MYO9A: variants seen among roughly 807,000 people sequenced by gnomAD.
MYO9A encodes the protein unconventional myosin-IXa.
MYO9A carries 103 observed loss-of-function variants against 293.3 expected under a neutral mutation model. That is an observed-to-expected ratio of 0.35 (90% CI 0.30 to 0.41). The LOEUF (loss-of-function observed/expected upper bound fraction) is 0.41, where lower values mean the gene tolerates loss of function less well. MYO9A is among the 10% of genes least tolerant of loss of function. The pLI is 1.00. For missense variants in MYO9A, 2,685 were observed against 3,033.0 expected (o/e 0.89, Z 2.69); for synonymous variants, 1,001 against 1,035.7 (o/e 0.97, Z 0.64).
chr15:71,852,074 G>T, intron 36 of MYO9A, 58 bp downstream of exon 36: 1 of 1,520,174 alleles, frequency 6.6e-7, no homozygotes, highest in Non-Finnish European at 8.9e-7. Flanking sequence ...CTATACTCAA[G>T]ATGGCATTTC....
At position 71,905,694 on chromosome 15, in the gene MYO9A, T is replaced by C. The variant is rs547709223; in HGVS notation, c.2686-688A>G. 3.1e-5 allele frequency among the ~76,000 whole-genome samples: 4 copies of C among 129,310 alleles called. No homozygotes were observed. The East Asian group carries it at 9.1e-4, about 29-fold the overall frequency. 84.8% of individuals were successfully genotyped at this position (129,310 alleles called of 152,430 possible). A position where few individuals can be genotyped will look rare whatever the true frequency, so the allele number is the denominator to read the frequency against. The stretch of plus-strand genomic sequence containing the variant: ...ATGAGAATTACTTAAACCTGGGAGG[T>C]GGAGGTTGCAGTAAGCCAAGATGGT... On this transcript the variant is annotated intron_variant, in intron 19 of 41. Transcript: ENST00000356056.
intron 9 of MYO9A, among the ~76,000 whole-genome samples, chr15:71,997,443 A>G (rs1443728745): frequency 6.6e-6 from 1 of 151,986 alleles, no homozygotes. Context: ...TACTAAAAAT[A>G]CCAAAAATTA....
intron 1 of MYO9A, among the ~76,000 whole-genome samples, chr15:72,111,591 A>T (rs1183440816): frequency 1.3e-5 from 2 of 151,866 alleles, no homozygotes; most frequent in African/African-American, 2.4e-5. Context: ...TTACATAAAA[A>T]TTTTTTTAAC....
chr15:72,012,918 T>A (rs2077216043), intron 6 of MYO9A, among the ~76,000 whole-genome samples: 1 of 152,224 alleles, frequency 6.6e-6, no homozygotes, highest in South Asian at 2.1e-4. Flanking sequence ...TAATCAAATG[T>A]TCTTAGAAAC....
intron 1 of MYO9A, among the ~76,000 whole-genome samples, chr15:72,099,035 C>T (rs1358743091): frequency 6.6e-6 from 1 of 152,084 alleles, no homozygotes; most frequent in African/African-American, 2.4e-5. Context: ...GTAGCTCACA[C>T]CTGTAATTCC....
At chr15:71,857,047 A>G (rs1197039724) in intron 34 of MYO9A, among the ~76,000 whole-genome samples, 2 of 152,216 alleles carry the variant, frequency 1.3e-5, no homozygotes, top group Non-Finnish European at 2.9e-5. Context: ...TGTTTTCCTA[A>G]TGCTGGGACA....
At chr15:72,101,299 G>GC (rs2080304849) in intron 1 of MYO9A, among the ~76,000 whole-genome samples, 1 of 136,004 alleles carries the variant, frequency 7.4e-6, no homozygotes, top group Non-Finnish European at 1.6e-5. Flanking sequence ...GGTGGGTTCA[G>GC]CCCCCCGCCA....
intron 9 of MYO9A, among the ~76,000 whole-genome samples, chr15:71,999,379 GAGA>G (rs1228054140): frequency 1.3e-5 from 2 of 151,924 alleles, no homozygotes; most frequent in East Asian, 3.9e-4. Flanking sequence ...GAAGAATATA[GAGA>G]AGAAGAAACA....
chr15:71,960,093 A>C lies in MYO9A; in HGVS notation c.1990T>G (p.Phe664Val), dbSNP rs1766263252. The C allele has an allele frequency of 2.5e-6, 4 of 1,613,494 alleles. No homozygotes were observed. Among genetic ancestry groups the C allele is most frequent in the Non-Finnish European group, 3.4e-6 (4 of 1,179,808 alleles). Residue 664 changes from phenylalanine to valine, a missense_variant, in exon 14 of 42, where the codon TTC becomes GTC. By Grantham distance (50) the Phe-to-Val change is conservative (BLOSUM62 -1). Transcript: ENST00000356056. ...AGKVKYGVKD[F>V]REKNTDHMRP... ...ATATGATCTGTATTTTTTTCCCGGA[A>C]ATCCTATATGAAAAAAGTACCAGTG...
intron 15 of MYO9A, among the ~76,000 whole-genome samples, chr15:71,943,942 A>G (rs2058845976): frequency 6.6e-6 from 1 of 152,100 alleles, no homozygotes; most frequent in African/African-American, 2.4e-5. Context: ...AAAACTGACA[A>G]ACTGTTTTCG....
At chr15:71,953,470 A>G (rs1308969384) in intron 14 of MYO9A, among the ~76,000 whole-genome samples, 1 of 152,256 alleles carries the variant, frequency 6.6e-6, no homozygotes, top group Non-Finnish European at 1.5e-5. Context: ...ATTATGTGTT[A>G]AAGTATTCTG....
intron 14 of MYO9A, among the ~76,000 whole-genome samples, chr15:71,957,135 T>C (rs1414776611): frequency 6.6e-6 from 1 of 152,194 alleles, no homozygotes; most frequent in Non-Finnish European, 1.5e-5. Flanking sequence ...AATACAATTC[T>C]ATATTTAACT....
At chr15:72,105,584 C>G (rs946200269) in intron 1 of MYO9A, among the ~76,000 whole-genome samples, 1 of 150,680 alleles carries the variant, frequency 6.6e-6, no homozygotes, top group African/African-American at 2.4e-5. Context: ...CTTGGCTCAC[C>G]GCAACTTCCG....
At chr15:71,993,123 G>C (rs2076587837) in intron 10 of MYO9A, among the ~76,000 whole-genome samples, 1 of 151,908 alleles carries the variant, frequency 6.6e-6, no homozygotes, top group African/African-American at 2.4e-5. Flanking sequence ...GGCCAAGAAG[G>C]GCAGGTCACT....
Position 71,862,377 on chromosome 15 carries a change from G to C in MYO9A, c.6091+123C>G. 3 of 713,452 alleles carry C rather than the reference G, an allele frequency of 4.2e-6. No individual in the cohort carries two copies. In the South Asian group the frequency reaches 4.9e-5, roughly 12 times the overall value. The allele number at this position is 713,452 out of a possible 1,614,324, so 44.2% of individuals were successfully genotyped here. A position where few individuals can be genotyped will look rare whatever the true frequency, so the allele number is the denominator to read the frequency against. On this transcript the variant is annotated intron_variant, in intron 33 of 41. Coordinates refer to ENST00000356056, the MANE Select transcript of MYO9A (RefSeq NM_006901.4). ...AGAGTAGGTGAAGAGAGTATAGCAA[G>C]AGATGAGGTTAAAAATTTAGGTAGT... is the stretch of plus-strand genomic sequence containing the variant.
At chr15:72,003,082 C>A (rs2076913935) in intron 8 of MYO9A, among the ~76,000 whole-genome samples, 1 of 151,562 alleles carries the variant, frequency 6.6e-6, no homozygotes, top group Non-Finnish European at 1.5e-5. Context: ...CCAGCCTGAC[C>A]AATATGGAGA....
rs889619444 is a variant in MYO9A at position 71,850,131 on chromosome 15, A to G, written c.6618T>C (p.Ala2206=). ...GCGCAAACACAATGGCCAAAGCATT[A>G]GCAGACATTCGATTAGTGTCTTCCT... ...ALQEDTNRMS[A]NALAIVFAPC... The change falls in exon 38 of 42, where the codon GCT becomes GCC. Residue 2206 remains alanine, a synonymous_variant. Transcript: ENST00000356056. 1.2e-6 allele frequency: 2 copies of G among 1,614,050 alleles called. No individual in the cohort carries two copies. The highest frequency in any genetic ancestry group is 2.7e-5 in the African/African-American group (2 of 74,942).
At chr15:72,117,070 T>G (rs2081008702) in intron 1 of MYO9A, 1 of 152,174 alleles carries the variant, frequency 6.6e-6, no homozygotes, top group South Asian at 2.1e-4. Context: ...AAGGTTTGCT[T>G]GAGGAGAGGT....
chr15:71,954,851 T>C (rs1325878779), intron 14 of MYO9A, among the ~76,000 whole-genome samples: 4 of 152,210 alleles, frequency 2.6e-5, no homozygotes, highest in Non-Finnish European at 5.9e-5. Flanking sequence ...ATTCAGACCT[T>C]AGGCAATATC....
Sources: allele counts gnomAD v4.1 joint callset (sites outside exome capture counted in the v4.1 genomes callset), GRCh38; gene constraint gnomAD v4.1.1; transcripts MANE v1.5; gene names NCBI Gene and HGNC (gene_info 2026-07-23, HGNC 2026-07-21).